Variants in ZNF248 observed in about 807,000 individuals in gnomAD.
The protein encoded by ZNF248 is KRAB protein domain.
ZNF248 carries 20 observed loss-of-function variants against 44.3 expected under a neutral mutation model. The ratio of observed to expected loss-of-function variants is 0.45; its 90% CI spans 0.32 to 0.66. The LOEUF is 0.66. ZNF248 is among the 30% of genes least tolerant of loss of function. ZNF248 has a pLI of 0.04. For missense variants in ZNF248, 654 were observed against 677.0 expected (o/e 0.97, Z 0.38); for synonymous variants, 224 against 229.0 (o/e 0.98, Z 0.20).
chr10:37,833,073 T>C lies in ZNF248; in HGVS notation c.282A>G (p.Glu94=). The change falls in exon 6 of 6, where the codon GAA becomes GAG. Residue 94 remains glutamate, a synonymous_variant. Coordinates refer to ENST00000395867, the MANE Select transcript of ZNF248 (RefSeq NM_021045.3). ...KVDDVLESSQ[E]NEDDHFWELL... ...GCTCCCAAAAATGGTCATCTTCATT[T>C]TCCTGGCTGCTCTCTAACACGTCAT... is the stretch of plus-strand genomic sequence containing the variant. 1 of 1,610,088 alleles carries C rather than the reference T, an allele frequency of 6.2e-7. No homozygotes were observed. The highest frequency in any genetic ancestry group is 2.2e-5 in the East Asian group (1 of 44,810).
In ZNF248 at chr10:37,832,999, C is replaced by T. The variant is rs2056244853; in HGVS notation, c.356G>A (p.Gly119Glu). ...KTVSVENGDR[G>E]SKTFNLGTDP... ...TGTGCCCAAATTGAAAGTTTTGCTTCCTCTATCTCCATTTTCTACACTTAC... is the reference window on the plus strand; with the variant it reads ...TGTGCCCAAATTGAAAGTTTTGCTTTCTCTATCTCCATTTTCTACACTTAC... The change falls in exon 6 of 6, where the codon GGA becomes GAA. Residue 119 changes from glycine to glutamate, a missense_variant. Transcript: ENST00000395867. 6.2e-7 allele frequency: 1 copy of T among 1,613,608 alleles called. No individual in the cohort carries two copies. The highest frequency in any genetic ancestry group is 1.3e-5 in the African/African-American group (1 of 74,898).
chr10:37,830,362 G>T lies in ZNF248; in HGVS notation c.*1253C>A. On this transcript the variant is annotated 3_prime_UTR_variant, in exon 6 of 6. Transcript: ENST00000395867. ...GCATATATGCCAGGAAACAGTCAGA[G>T]GAAAGGTACGTGATATAGTTCTTTG... The T allele has an allele frequency of 1.0e-6, 1 of 985,326 alleles. No homozygotes were observed. The highest frequency in any genetic ancestry group is 1.2e-6 in the Non-Finnish European group (1 of 829,922). The allele number at this position is 985,326 out of a possible 1,614,324, so 61.0% of individuals were successfully genotyped here. A position where few individuals can be genotyped will look rare whatever the true frequency, so the allele number is the denominator to read the frequency against.
At chr10:37,780,532 C>CT (rs905638289) in intron 6 of ZNF248, among the ~76,000 whole-genome samples, 3 of 151,028 alleles carry the variant, frequency 2.0e-5, no homozygotes, top group African/African-American at 7.3e-5. Context: ...GGATTAAAGA[C>CT]TTAAACGACT....
intron 6 of ZNF248, among the ~76,000 whole-genome samples, chr10:37,780,847 G>T (rs951559687): frequency 6.6e-6 from 1 of 152,130 alleles, no homozygotes; most frequent in Non-Finnish European, 1.5e-5. Flanking sequence ...GTCACACTCG[G>T]GCTGAATCCG....
intron 6 of ZNF248, among the ~76,000 whole-genome samples, chr10:37,785,380 G>A (rs1459916924): frequency 6.6e-6 from 1 of 152,108 alleles, no homozygotes; most frequent in African/African-American, 2.4e-5. Context: ...CATGATGTGG[G>A]GTTACTGTCA....
chr10:37,789,581 T>C (rs904055251), intron 6 of ZNF248, among the ~76,000 whole-genome samples: 2 of 152,208 alleles, frequency 1.3e-5, no homozygotes, highest in African/African-American at 4.8e-5. Flanking sequence ...AACATAATTA[T>C]AGAACAACAG....
At chr10:37,851,164 A>C (rs2060158292) in intron 3 of ZNF248, among the ~76,000 whole-genome samples, 1 of 152,220 alleles carries the variant, frequency 6.6e-6, no homozygotes, top group Non-Finnish European at 1.5e-5. Flanking sequence ...AATATGAAGA[A>C]TTGTTGAGCT....
intron 6 of ZNF248, chr10:37,795,178 G>A (rs917906933): frequency 1.3e-5 from 2 of 152,168 alleles, no homozygotes; most frequent in Non-Finnish European, 2.9e-5. Flanking sequence ...TCTGATGTAC[G>A]TACAGTAGAA....
rs1344929011 is a variant in ZNF248, at chr10:37,832,114, C to A, written c.1241G>T (p.Gly414Val). The A allele has an allele frequency of 1.2e-6, 2 of 1,613,804 alleles. No individual in the cohort carries two copies. The highest frequency in any genetic ancestry group is 1.7e-6 in the Non-Finnish European group (2 of 1,179,934). The change falls in exon 6 of 6, where the codon GGG becomes GTG. Residue 414 changes from glycine to valine, a missense_variant. By Grantham distance (109) the Gly-to-Val change is moderately radical. Coordinates refer to ENST00000395867, the MANE Select transcript of ZNF248 (RefSeq NM_021045.3). The stretch of plus-strand genomic sequence containing the variant: ...GTGTGGTTTCTGGCAAAAGGCTTTC[C>A]CACATTCAGTACATTCATAGGGCTT... ...GEKPYECTECGKAFCQKPHLT... is the reference protein window; with the variant it reads ...GEKPYECTECVKAFCQKPHLT...
chr10:37,807,313 G>A (rs192709995), intron 6 of ZNF248, among the ~76,000 whole-genome samples: 4 of 152,138 alleles, frequency 2.6e-5, no homozygotes, highest in East Asian at 3.9e-4. Context: ...ATGATTTATA[G>A]CTTTGTAATA....
chr10:37,795,765 T>C (rs1382464214), intron 6 of ZNF248: 1 of 152,246 alleles, frequency 6.6e-6, no homozygotes, highest in Admixed American at 6.5e-5. Context: ...TTCTGAAATA[T>C]ATTTCAAATT....
At chr10:37,766,397 C>G in the ZNF248 span, among the ~76,000 whole-genome samples, 61 of 152,300 alleles carry the variant, frequency 4.0e-4, no homozygotes, top group African/African-American at 1.4e-3. Flanking sequence ...CCGGGTACTC[C>G]TCTGAAACAA....
intron 6 of ZNF248, among the ~76,000 whole-genome samples, chr10:37,786,665 T>C (rs1210623981): frequency 6.6e-6 from 1 of 152,190 alleles, no homozygotes; most frequent in Admixed American, 6.5e-5. Context: ...AGTACTACTT[T>C]TTGTTTTATG....
At chr10:37,760,840 A>G in the ZNF248 span, among the ~76,000 whole-genome samples, 61 of 152,086 alleles carry the variant, frequency 4.0e-4, no homozygotes, top group African/African-American at 1.3e-3. Flanking sequence ...GTCTTGGGGG[A>G]AAAAAAAGTA....
rs1241985504 is a variant in ZNF248 at position 37,830,269 on chromosome 10, G to C, written c.*1346C>G. The C allele has an allele frequency of 1.0e-6, 1 of 985,210 alleles. No individual in the cohort carries two copies. Among genetic ancestry groups the C allele is most frequent in the Non-Finnish European group, 1.2e-6 (1 of 829,926 alleles). The allele number at this position is 985,210 out of a possible 1,614,324, so 61.0% of individuals were successfully genotyped here. On this transcript the variant is annotated 3_prime_UTR_variant, in exon 6 of 6. Coordinates refer to ENST00000395867, the MANE Select transcript of ZNF248 (RefSeq NM_021045.3). ...ATTACAGAATGACCCAGAGGTAGCT[G>C]AAAAACCTCAGAAAAGTACTGTTTA...
the ZNF248 span, among the ~76,000 whole-genome samples, chr10:37,770,178 T>C: frequency 6.6e-6 from 1 of 152,074 alleles, no homozygotes; most frequent in Admixed American, 6.6e-5. Flanking sequence ...GAATCAATAT[T>C]GTGAAAATGG....
At chr10:37,784,566 G>A (rs2047669251) in intron 6 of ZNF248, among the ~76,000 whole-genome samples, 1 of 152,152 alleles carries the variant, frequency 6.6e-6, no homozygotes, top group Non-Finnish European at 1.5e-5. Flanking sequence ...AATAATCTCT[G>A]GAGCTTAATA....
chr10:37,806,693 C>T (rs896003669), intron 6 of ZNF248, among the ~76,000 whole-genome samples: 6 of 151,762 alleles, frequency 4.0e-5, no homozygotes, highest in Non-Finnish European at 7.4e-5. Context: ...TGTGTGTTGC[C>T]TTTTCATTCT....
At chr10:37,777,824 T>C (rs1264629305) in intron 6 of ZNF248, among the ~76,000 whole-genome samples, 2 of 152,196 alleles carry the variant, frequency 1.3e-5, no homozygotes, top group East Asian at 1.9e-4. Flanking sequence ...CTGAGAATGA[T>C]GACTTCCAAT....
Sources: gnomAD v4.1 joint callset for allele counts (sites outside exome capture counted in the v4.1 genomes callset) on GRCh38, gnomAD v4.1.1 for gene constraint, MANE v1.5 for transcripts, NCBI Gene and HGNC (gene_info 2026-07-23, HGNC 2026-07-21) for gene names.